Variants in TRIO observed in about 807,000 individuals in gnomAD.
TRIO encodes triple functional domain protein.
Under a neutral mutation model 351.9 loss-of-function variants are expected in TRIO, and 58 were observed. The observed-to-expected ratio is 0.16, with a 90% CI of 0.13 to 0.21. TRIO has a LOEUF of 0.21. Among genes scored for constraint, TRIO ranks in the 10% least tolerant of loss-of-function variants. The pLI, the probability that TRIO is intolerant of heterozygous loss-of-function variation, is 1.00. For missense variants in TRIO, 3,201 were observed against 4,027.8 expected (o/e 0.79, Z 5.56); for synonymous variants, 1,758 against 1,595.7 (o/e 1.10, Z -2.42).
In TRIO at chr5:14,405,839, C is replaced by T. The variant is rs1579562111; in HGVS notation, c.4717-9C>T. The T allele has an allele frequency of 6.2e-7, 1 of 1,613,282 alleles. No homozygotes were observed. The highest frequency in any genetic ancestry group is 8.5e-7 in the Non-Finnish European group (1 of 1,179,398). ...TCCGTATCCTAAGCAACGCTAACACCTTGTTAAGGCTTCCAGCATAGAGAA... is the reference window on the plus strand; with the variant it reads ...TCCGTATCCTAAGCAACGCTAACACTTTGTTAAGGCTTCCAGCATAGAGAA... On this transcript the variant is annotated splice_polypyrimidine_tract_variant and intron_variant, in intron 31 of 56. Coordinates refer to ENST00000344204, the MANE Select transcript of TRIO (RefSeq NM_007118.4).
intron 1 of TRIO, among the ~76,000 whole-genome samples, chr5:14,268,466 C>A (rs1795812514): frequency 6.6e-6 from 1 of 152,212 alleles, no homozygotes; most frequent in African/African-American, 2.4e-5. Context: ...ACAAGTGGGG[C>A]TCTGTCTCTC....
intron 8 of TRIO, among the ~76,000 whole-genome samples, chr5:14,308,477 A>G (rs1738583484): frequency 6.7e-6 from 1 of 148,328 alleles, no homozygotes; most frequent in African/African-American, 2.5e-5. Flanking sequence ...CCATCCAACC[A>G]ATTACCCAGC....
chr5:14,325,431 C>T (rs967893230), intron 9 of TRIO, among the ~76,000 whole-genome samples: 4 of 152,120 alleles, frequency 2.6e-5, no homozygotes, highest in African/African-American at 7.2e-5. Flanking sequence ...ACAGAACACA[C>T]GGCGAGAGAG....
chr5:14,488,121 G>T lies in TRIO; in HGVS notation c.7493G>T (p.Gly2498Val). The T allele has an allele frequency of 6.2e-7, 1 of 1,609,486 alleles. No homozygotes were observed. ...CCCGCCTCCCCCGCCAGCCGACCCGGCTCCTTCACCTTCCCGGGGGACAGC... is the reference window on the plus strand; with the variant it reads ...CCCGCCTCCCCCGCCAGCCGACCCGTCTCCTTCACCTTCCCGGGGGACAGC... ...SIPASPASRPGSFTFPGDSDS... is the reference protein window; with the variant it reads ...SIPASPASRPVSFTFPGDSDS... Residue 2498 changes from glycine (G) to valine (V), a missense_variant, in exon 48 of 57, where the codon GGC becomes GTC. Transcript: ENST00000344204.
chr5:14,184,525 A>G (rs1260018177), intron 1 of TRIO, among the ~76,000 whole-genome samples: 1 of 152,262 alleles, frequency 6.6e-6, no homozygotes, highest in East Asian at 1.9e-4. Flanking sequence ...TTTTCTTTAT[A>G]TTAGCCTCTA....
chr5:14,316,473 C>T, intron 8 of TRIO, 40 bp from the exon 9 acceptor site: 1 of 1,607,462 alleles, frequency 6.2e-7, no homozygotes, highest in African/African-American at 1.3e-5. Context: ...CTAGGCCAAA[C>T]CTCAGATCGT....
chr5:14,204,570 CTAAT>C (rs2152179630), intron 1 of TRIO, among the ~76,000 whole-genome samples: 1 of 152,104 alleles, frequency 6.6e-6, no homozygotes, highest in South Asian at 2.1e-4. Flanking sequence ...GGAACAATAG[CTAAT>C]TAAGTAGAGA....
intron 34 of TRIO, among the ~76,000 whole-genome samples, chr5:14,426,776 G>A (rs1166660296): frequency 6.6e-6 from 1 of 152,196 alleles, no homozygotes; most frequent in African/African-American, 2.4e-5. Context: ...TGTAAACATG[G>A]CAGAACTGCT....
chr5:14,295,315 G>C (rs929323599), intron 6 of TRIO, among the ~76,000 whole-genome samples: 2 of 152,230 alleles, frequency 1.3e-5, no homozygotes, highest in African/African-American at 4.8e-5. Flanking sequence ...AAGCCTGTAG[G>C]TGTAGGTACT....
rs530164744 is a variant in TRIO, at chr5:14,418,036, C to T, written c.4960-1742C>T. ...ACAGAAGAGTAGGGTGAGCCTGCTT[C>T]TGGTGATGAAGGCAGACACACACAC... is the stretch of plus-strand genomic sequence containing the variant. On this transcript the variant is annotated intron_variant, in intron 33 of 56. Transcript: ENST00000344204. Among the ~76,000 whole-genome samples, 10 of 152,246 alleles carry T rather than the reference C, an allele frequency of 6.6e-5. No individual in the cohort carries two copies. In the South Asian group the frequency reaches 2.1e-3, roughly 32 times the overall value.
intron 11 of TRIO, among the ~76,000 whole-genome samples, chr5:14,338,393 T>A (rs1184971467): frequency 1.3e-5 from 2 of 152,184 alleles, no homozygotes; most frequent in Non-Finnish European, 2.9e-5. Flanking sequence ...TATCCCCTGA[T>A]CCAGAACTTT....
At chr5:14,251,665 G>A (rs1178387075) in intron 1 of TRIO, among the ~76,000 whole-genome samples, 4 of 152,194 alleles carry the variant, frequency 2.6e-5, no homozygotes, top group East Asian at 1.9e-4. Flanking sequence ...GAGGTGGGGC[G>A]TCTTTTCGTT....
Position 14,488,127 on chromosome 5 carries a change from T to C in TRIO, c.7499T>C (p.Phe2500Ser). 1 of 1,609,030 alleles carries C rather than the reference T, an allele frequency of 6.2e-7. No homozygotes were observed. The highest frequency in any genetic ancestry group is 8.5e-7 in the Non-Finnish European group (1 of 1,179,384). The change falls in exon 48 of 57, where the codon TTC becomes TCC. Residue 2500 changes from phenylalanine (F) to serine (S), a missense_variant. This residue lies in a region of TRIO where 1,089 missense variants were observed against 954.9 expected (regional missense o/e 1.14). Coordinates refer to ENST00000344204, the MANE Select transcript of TRIO (RefSeq NM_007118.4). ...PASPASRPGSFTFPGDSDSLQ... is the reference protein window; with the variant it reads ...PASPASRPGSSTFPGDSDSLQ... ...TCCCCCGCCAGCCGACCCGGCTCCT[T>C]CACCTTCCCGGGGGACAGCGACTCC...
chr5:14,446,312 T>C (rs1390229251), intron 34 of TRIO, among the ~76,000 whole-genome samples: 1 of 152,230 alleles, frequency 6.6e-6, no homozygotes, highest in Non-Finnish European at 1.5e-5. Context: ...TTGAACCCCA[T>C]GTGGGATACA....
intron 7 of TRIO, among the ~76,000 whole-genome samples, chr5:14,299,668 A>G (rs562344120): frequency 6.6e-6 from 1 of 152,332 alleles, no homozygotes; most frequent in Admixed American, 6.5e-5. Context: ...CCTTCTAGTT[A>G]TGCTCAACCT....
intron 33 of TRIO, among the ~76,000 whole-genome samples, chr5:14,415,556 A>G (rs1443838387): frequency 6.6e-6 from 1 of 152,216 alleles, no homozygotes; most frequent in East Asian, 1.9e-4. Context: ...GCGTTCGTGC[A>G]AGACAGTGAT....
At chr5:14,288,868 C>T (rs1581536176) in intron 4 of TRIO, among the ~76,000 whole-genome samples, 3 of 152,276 alleles carry the variant, frequency 2.0e-5, no homozygotes, top group African/African-American at 7.2e-5. Flanking sequence ...TTTGTCTTTG[C>T]ATTTAATCTT....
At chr5:14,339,717 G>A (rs1403211625) in intron 11 of TRIO, among the ~76,000 whole-genome samples, 6 of 152,112 alleles carry the variant, frequency 3.9e-5, no homozygotes, top group Non-Finnish European at 2.9e-5. Flanking sequence ...AATGCTGCCC[G>A]TTTCTTCAGT....
At chr5:14,372,246 G>A (rs559488376) in intron 18 of TRIO, among the ~76,000 whole-genome samples, 1 of 90,556 alleles carries the variant, frequency 1.1e-5, no homozygotes, top group Non-Finnish European at 2.4e-5. Flanking sequence ...AAAGAGAGGC[G>A]GGGGTGTGAG....
Sources: allele counts gnomAD v4.1 joint callset (sites outside exome capture counted in the v4.1 genomes callset), GRCh38; gene constraint gnomAD v4.1.1; regional missense constraint gnomAD v4.1.1; transcripts MANE v1.5; gene names NCBI Gene and HGNC (gene_info 2026-07-23, HGNC 2026-07-21).